ARHGAP6: variants seen among roughly 807,000 people sequenced by gnomAD.
The protein encoded by ARHGAP6 is Rho GTPase activating protein 6.
Under a neutral mutation model 55.7 loss-of-function variants are expected in ARHGAP6, and 16 were observed. That is an observed-to-expected ratio of 0.29 (90% CI 0.19 to 0.44). The LOEUF is 0.44. Among genes scored for constraint, ARHGAP6 ranks in the 20% least tolerant of loss-of-function variants. The probability of loss-of-function intolerance (pLI) is 1.00; values close to 1 mark genes in which losing one functional copy is unlikely to be tolerated. For synonymous variants in ARHGAP6, 382 were observed against 360.9 expected, an observed-to-expected ratio of 1.06 and a Z score of -0.66; for missense variants, 698 against 808.9, an observed-to-expected ratio of 0.86 and a Z score of 1.66.
intron 1 of ARHGAP6, among the ~76,000 whole-genome samples, chrX:11,447,974 C>G (rs897490812): frequency 8.9e-6 from 1 of 112,322 alleles, no homozygotes; most frequent in Non-Finnish European, 1.9e-5. Flanking sequence ...AAAACACTTG[C>G]AGTCACCATT....
intron 1 of ARHGAP6, among the ~76,000 whole-genome samples, chrX:11,368,071 G>A (rs1163632781): frequency 8.9e-6 from 1 of 112,434 alleles, no homozygotes; most frequent in Non-Finnish European, 1.9e-5. Flanking sequence ...GATCTATACT[G>A]TGCATTAGAC....
At chrX:11,321,636 T>C (rs906359035) in intron 1 of ARHGAP6, among the ~76,000 whole-genome samples, 1 of 111,735 alleles carries the variant, frequency 8.9e-6, no homozygotes, top group East Asian at 2.8e-4. Flanking sequence ...AAAGAAGTTG[T>C]AACTGTCCAT....
intron 1 of ARHGAP6, among the ~76,000 whole-genome samples, chrX:11,473,147 C>A (rs2050365195): frequency 9.0e-6 from 1 of 110,897 alleles, no homozygotes; most frequent in Admixed American, 9.6e-5. Flanking sequence ...TATAGAAACC[C>A]AAGAATTATC....
At chrX:11,347,853 C>A (rs1370169346) in intron 1 of ARHGAP6, among the ~76,000 whole-genome samples, 1 of 103,986 alleles carries the variant, frequency 9.6e-6, no homozygotes, top group Non-Finnish European at 2.0e-5. Context: ...AGTAGTGAAT[C>A]CAGATTAAAT....
intron 1 of ARHGAP6, among the ~76,000 whole-genome samples, chrX:11,525,565 C>A (rs1354257300): frequency 8.9e-6 from 1 of 111,989 alleles, no homozygotes; most frequent in African/African-American, 3.3e-5. Flanking sequence ...TTAAATTCTG[C>A]TTTTACTACC....
At chrX:11,319,846 A>G (rs1286103341) in intron 1 of ARHGAP6, among the ~76,000 whole-genome samples, 1 of 112,295 alleles carries the variant, frequency 8.9e-6, no homozygotes, top group Non-Finnish European at 1.9e-5. Context: ...CCAAACAGTG[A>G]GATGAAACAG....
At chrX:11,399,264 G>T (rs943292294) in intron 1 of ARHGAP6, among the ~76,000 whole-genome samples, 4 of 104,992 alleles carry the variant, frequency 3.8e-5, no homozygotes, top group African/African-American at 1.4e-4. Context: ...CCCAAAACAG[G>T]CCAGTGTGAT....
intron 1 of ARHGAP6, among the ~76,000 whole-genome samples, chrX:11,496,506 T>C (rs2050624005): frequency 1.8e-5 from 2 of 112,341 alleles, no homozygotes; most frequent in Admixed American, 9.5e-5. Flanking sequence ...TTATCAAGTG[T>C]TCCTCATTAC....
At chrX:11,317,179 T>C (rs747620299) in intron 1 of ARHGAP6, among the ~76,000 whole-genome samples, 3 of 112,561 alleles carry the variant, frequency 2.7e-5, no homozygotes, top group Non-Finnish European at 5.6e-5. Flanking sequence ...AAGTGAGTTA[T>C]AGGCAGAGGA....
intron 2 of ARHGAP6, among the ~76,000 whole-genome samples, chrX:11,221,730 G>T (rs762228404): frequency 9.9e-5 from 11 of 111,540 alleles, no homozygotes; most frequent in Non-Finnish European, 2.1e-4. Flanking sequence ...TTTATTTTAG[G>T]TTTGGGGTTA....
rs1046505482 is a variant in ARHGAP6, at chrX:11,654,520, G to A, written c.588+9721C>T. Among the ~76,000 whole-genome samples, 10 of 111,649 alleles carry A rather than the reference G, an allele frequency of 9.0e-5. No individual in the cohort carries two copies. The East Asian group carries it at 1.4e-3, about 16-fold the overall frequency. On this transcript the variant is annotated intron_variant, in intron 1 of 12. Coordinates refer to ENST00000337414, the MANE Select transcript of ARHGAP6 (RefSeq NM_013427.3). The stretch of plus-strand genomic sequence containing the variant: ...TTCTAGAATTACTGTTACTTCTAAC[G>A]GCTCCTGAAAATCTTAGGCTTTTTA...
intron 1 of ARHGAP6, among the ~76,000 whole-genome samples, chrX:11,388,362 G>T (rs1469551777): frequency 8.9e-6 from 1 of 112,040 alleles, no homozygotes. Context: ...CTTTTGAGAA[G>T]TGTCTGTTCA....
chrX:11,597,026 C>T (rs1414767284), intron 1 of ARHGAP6, among the ~76,000 whole-genome samples: 2 of 111,816 alleles, frequency 1.8e-5, no homozygotes, highest in Non-Finnish European at 3.8e-5. Flanking sequence ...CTCCTTCCCC[C>T]ACTCAGTCCC....
chrX:11,659,482 G>C (rs2052673022), intron 1 of ARHGAP6, among the ~76,000 whole-genome samples: 1 of 111,285 alleles, frequency 9.0e-6, no homozygotes, highest in African/African-American at 3.3e-5. Flanking sequence ...CTAGATGCCG[G>C]TAGGAACTCC....
At chrX:11,312,547 T>A (rs780239027) in intron 1 of ARHGAP6, among the ~76,000 whole-genome samples, 1 of 111,148 alleles carries the variant, frequency 9.0e-6, no homozygotes, top group South Asian at 3.8e-4. Flanking sequence ...ACTTCCCTTA[T>A]CCACTAATGA....
intron 1 of ARHGAP6, among the ~76,000 whole-genome samples, chrX:11,485,047 AC>A (rs1422799303): frequency 2.7e-5 from 3 of 111,559 alleles, no homozygotes; most frequent in African/African-American, 9.8e-5. Context: ...CAAAAAAAAA[AC>A]ATATCACTCA....
At chrX:11,314,792 A>G (rs1041275625) in intron 1 of ARHGAP6, among the ~76,000 whole-genome samples, 1 of 111,784 alleles carries the variant, frequency 8.9e-6, no homozygotes, top group African/African-American at 3.3e-5. Flanking sequence ...CTCAGAAGGT[A>G]GAGGGTGGGA....
chrX:11,581,222 A>T (rs1291867745), intron 1 of ARHGAP6, among the ~76,000 whole-genome samples: 1 of 112,354 alleles, frequency 8.9e-6, no homozygotes, highest in Non-Finnish European at 1.9e-5. Flanking sequence ...AATTAAAATC[A>T]CAATGAAATA....
intron 1 of ARHGAP6, among the ~76,000 whole-genome samples, chrX:11,507,790 C>T (rs1209860836): frequency 8.9e-6 from 1 of 111,752 alleles, no homozygotes; most frequent in Non-Finnish European, 1.9e-5. Context: ...GCCCCCAGCT[C>T]CTTGCAGTTG....
Sources: gnomAD v4.1 joint callset for allele counts (sites outside exome capture counted in the v4.1 genomes callset) on GRCh38, gnomAD v4.1.1 for gene constraint, MANE v1.5 for transcripts, NCBI Gene and HGNC (gene_info 2026-07-23, HGNC 2026-07-21) for gene names.